Variants in TBCD observed in about 807,000 individuals in gnomAD.
The protein encoded by TBCD is tubulin folding cofactor D.
In TBCD, 105 loss-of-function variants were observed where a neutral mutation model predicts 169.3. The observed-to-expected ratio is 0.62, with a 90% CI of 0.53 to 0.73. The LOEUF (loss-of-function observed/expected upper bound fraction) is 0.73. Ranked by LOEUF, TBCD falls within the 30% of genes least tolerant of loss-of-function variation. The pLI, the probability that TBCD is intolerant of heterozygous loss-of-function variation, is 0.00. For synonymous variants in TBCD, 700 were observed against 643.9 expected, an observed-to-expected ratio of 1.09 and a Z score of -1.32; for missense variants, 1,444 against 1,600.1, an observed-to-expected ratio of 0.90 and a Z score of 1.66.
chr17:82,878,693 T>G (rs536002024), intron 14 of TBCD, among the ~76,000 whole-genome samples: 1 of 152,340 alleles, frequency 6.6e-6, no homozygotes, highest in East Asian at 1.9e-4. Flanking sequence ...GCAGTGTTCT[T>G]GTGGGGTACT....
At chr17:82,771,152 T>C (rs569888785) in intron 5 of TBCD, among the ~76,000 whole-genome samples, 13 of 150,170 alleles carry the variant, frequency 8.7e-5, no homozygotes, top group African/African-American at 2.9e-4. Flanking sequence ...GAGACAAGCA[T>C]TGGAAACATT....
intron 13 of TBCD, among the ~76,000 whole-genome samples, chr17:82,834,367 T>G (rs2053783166): frequency 6.6e-6 from 1 of 152,146 alleles, no homozygotes; most frequent in African/African-American, 2.4e-5. Flanking sequence ...GTGCAATGGA[T>G]CAAGGCTAAG....
At chr17:82,869,233 G>A (rs1275463177) in intron 13 of TBCD, among the ~76,000 whole-genome samples, 2 of 152,148 alleles carry the variant, frequency 1.3e-5, no homozygotes, top group African/African-American at 4.8e-5. Context: ...CTAATAAATC[G>A]AACAAATACA....
At chr17:82,772,534 T>C (rs2048359750) in intron 6 of TBCD, 27 bp downstream of exon 6, 2 of 1,613,550 alleles carry the variant, frequency 1.2e-6, no homozygotes. Flanking sequence ...CATTTCTTGG[T>C]GTGTGGCTGG....
chr17:82,916,611 T>G (rs147544581), intron 23 of TBCD, among the ~76,000 whole-genome samples: 68 of 152,344 alleles, frequency 4.5e-4, no homozygotes, highest in Non-Finnish European at 8.1e-4. Flanking sequence ...TTTGGCACTT[T>G]AAAGATAATA....
chr17:82,907,143 A>C (rs146887529), intron 20 of TBCD, among the ~76,000 whole-genome samples: 456 of 152,384 alleles, frequency 3.0e-3, no homozygotes, highest in South Asian at 5.0e-3. Flanking sequence ...GCCAGCGTAA[A>C]GCACACGGTT....
At chr17:82,860,622 G>A (rs1004568941) in intron 13 of TBCD, among the ~76,000 whole-genome samples, 4 of 152,198 alleles carry the variant, frequency 2.6e-5, no homozygotes, top group Non-Finnish European at 5.9e-5. Context: ...GCCAGCAGAC[G>A]CCACTGGCTT....
rs59839519 is a variant in TBCD at position 82,753,447 on chromosome 17, C to CTTTTT, written c.184+1088_184+1092dup. On this transcript the variant is annotated intron_variant, in intron 1 of 38. Transcript: ENST00000355528. ...GGTGTAACAGCCCAATGGCTTCTTC[C>CTTTTT]TTTTTTTTTTTTTTTTTTTTTTGAT... Among the ~76,000 whole-genome samples, 757 of 104,234 alleles carry CTTTTT rather than the reference C, an allele frequency of 7.3e-3. 52 individuals carry two copies. Among genetic ancestry groups the CTTTTT allele is most frequent in the African/African-American group, 0.027 (681 of 25,676 alleles). The allele number at this position is 104,234 out of a possible 152,430, so 68.4% of individuals were successfully genotyped here.
intron 16 of TBCD, among the ~76,000 whole-genome samples, chr17:82,892,650 G>A (rs2059222387): frequency 6.6e-6 from 1 of 152,206 alleles, no homozygotes; most frequent in South Asian, 2.1e-4. Flanking sequence ...GCAGGGTGGT[G>A]ATGAATGGGT....
At chr17:82,759,250 A>T (rs1439188653) in intron 2 of TBCD, among the ~76,000 whole-genome samples, 1 of 151,968 alleles carries the variant, frequency 6.6e-6, no homozygotes, top group African/African-American at 2.4e-5. Flanking sequence ...TGGGAGGCCG[A>T]GGCGGGTGGA....
At position 82,900,735 on chromosome 17, in the gene TBCD, G is replaced by A; in HGVS notation, c.1730+4G>A. ...TGAAGATCAGCCACTGGGATGGGTA[G>A]GTTTTCTGTTTTTGTTTTTCTAAGA... is the stretch of plus-strand genomic sequence containing the variant. On this transcript the variant is annotated splice_donor_region_variant and intron_variant, in intron 18 of 38. Transcript: ENST00000355528. 1 of 1,613,166 alleles carries A rather than the reference G, an allele frequency of 6.2e-7. No individual in the cohort carries two copies. The highest frequency in any genetic ancestry group is 8.5e-7 in the Non-Finnish European group (1 of 1,179,134).
intron 2 of TBCD, among the ~76,000 whole-genome samples, chr17:82,757,472 G>A (rs1022113112): frequency 4.6e-5 from 7 of 151,986 alleles, no homozygotes; most frequent in Admixed American, 3.9e-4. Flanking sequence ...AATACAAAAC[G>A]TTAGCTGGGC....
At chr17:82,858,668 G>T in intron 13 of TBCD, 1 of 985,288 alleles carries the variant, frequency 1.0e-6, no homozygotes, top group Non-Finnish European at 1.2e-6. Flanking sequence ...TGTGCCTGAG[G>T]TGAGGTTCCT....
chr17:82,856,986 G>A (rs980040609), intron 13 of TBCD, among the ~76,000 whole-genome samples: 2 of 151,782 alleles, frequency 1.3e-5, no homozygotes, highest in Non-Finnish European at 2.9e-5. Flanking sequence ...CATCCAGGGC[G>A]GGATCGCTGG....
At chr17:82,927,652 A>G (rs1292138308) in intron 29 of TBCD, among the ~76,000 whole-genome samples, 1 of 151,966 alleles carries the variant, frequency 6.6e-6, no homozygotes, top group African/African-American at 2.4e-5. Flanking sequence ...TGGGATTGAT[A>G]ACCCCTGAAA....
chr17:82,926,633 C>A, intron 28 of TBCD, 142 bp downstream of exon 28: 1 of 694,268 alleles, frequency 1.4e-6, no homozygotes, highest in Non-Finnish European at 2.4e-6. Flanking sequence ...ATCGTCAGTC[C>A]CAGCTGCTGG....
chr17:82,776,367 C>T (rs1293090806), intron 6 of TBCD, among the ~76,000 whole-genome samples: 1 of 152,146 alleles, frequency 6.6e-6, no homozygotes, highest in East Asian at 1.9e-4. Flanking sequence ...TGTGATTGCG[C>T]CACTGCATTC....
intron 37 of TBCD, among the ~76,000 whole-genome samples, chr17:82,940,221 G>GCGCACACACACACACACACACACACA (rs1356825330): frequency 7.6e-6 from 1 of 131,700 alleles, no homozygotes; most frequent in African/African-American, 2.5e-5. Flanking sequence ...TTGCACGCGC[G>GCGCACACACACACACACACACACACA]CACACACACA....
In TBCD at chr17:82,864,816, CCGGGGCACCG is replaced by C. The variant is rs2057036693; in HGVS notation, c.1319-5407_1319-5398del. Among the ~76,000 whole-genome samples, 1 of 114,568 alleles carries C rather than the reference CCGGGGCACCG, an allele frequency of 8.7e-6. No homozygotes were observed. 75.2% of individuals were successfully genotyped at this position (114,568 alleles called of 152,430 possible). On this transcript the variant is annotated intron_variant, in intron 13 of 38. Transcript: ENST00000355528. This position sits in a 1 kb window ranked among gnomAD's most constrained non-coding sequence, Gnocchi z 6.3. ...CAGGAAGGGCTGGGATCACCACTCC[CCGGGGCACCG>C]TGGGGACAGCGGGGGCCTGCTCACT...
Sources: allele counts gnomAD v4.1 joint callset (sites outside exome capture counted in the v4.1 genomes callset), GRCh38; gene constraint gnomAD v4.1.1; non-coding constraint Gnocchi (gnomAD v3.1); transcripts MANE v1.5; gene names NCBI Gene and HGNC (gene_info 2026-07-23, HGNC 2026-07-21).